Variants in KRABD3 observed in about 807,000 individuals in gnomAD.
The protein encoded by KRABD3 is KRAB domain-containing protein 3.
the KRABD3 span, chr7:149,722,086 G>A: frequency 1.7e-5 from 7 of 421,206 alleles, no homozygotes; most frequent in African/African-American, 1.4e-4. Context: ...GGGTCGTCGG[G>A]CACACTTGCT....
the KRABD3 span, chr7:149,731,887 C>T: frequency 2.4e-5 from 17 of 694,212 alleles, no homozygotes; most frequent in African/African-American, 2.9e-4. Flanking sequence ...GGAAGTCTCA[C>T]CTGTAATGCA....
At chr7:149,725,368 A>T in the KRABD3 span, 7 of 1,606,846 alleles carry the variant, frequency 4.4e-6, no homozygotes, top group African/African-American at 8.0e-5. Flanking sequence ...TCTGAAGGGC[A>T]TTCCCCCAAA....
At chr7:149,720,807 C>CG in the KRABD3 span, 49 of 1,556,958 alleles carry the variant, frequency 3.1e-5, no homozygotes, top group Middle Eastern at 1.7e-4. Context: ...CGCAGGGGTG[C>CG]GGGGGGGTCA....
chr7:149,730,663 G>C, the KRABD3 span: 2 of 1,456,928 alleles, frequency 1.4e-6, no homozygotes, highest in South Asian at 2.5e-5. Flanking sequence ...CGCTTTGCCT[G>C]GCTCTTGCCA....
chr7:149,727,683 C>T, the KRABD3 span, among the ~76,000 whole-genome samples: 1 of 152,236 alleles, frequency 6.6e-6, no homozygotes, highest in East Asian at 1.9e-4. Context: ...TGTGTTCTGC[C>T]TGGGCAGACT....
the KRABD3 span, chr7:149,719,948 A>G: frequency 4.7e-6 from 7 of 1,497,682 alleles, no homozygotes; most frequent in East Asian, 2.5e-5. This position sits in a 1 kb window ranked among gnomAD's most constrained non-coding sequence, Gnocchi z 5.6. Flanking sequence ...CTGCTATGCA[A>G]CTGTGTGCGA....
At chr7:149,725,754 G>C in the KRABD3 span, 1 of 875,620 alleles carries the variant, frequency 1.1e-6, no homozygotes, top group African/African-American at 1.7e-5. Flanking sequence ...TATGGGAGTT[G>C]AATCAGTGCC....
At chr7:149,730,384 G>A in the KRABD3 span, 6 of 1,557,892 alleles carry the variant, frequency 3.9e-6, no homozygotes, top group Admixed American at 1.9e-5. Context: ...TGTGTGCCAG[G>A]GCGCCAGTCA....
the KRABD3 span, among the ~76,000 whole-genome samples, chr7:149,732,842 C>T: frequency 1.2e-4 from 19 of 152,066 alleles, no homozygotes; most frequent in Non-Finnish European, 1.8e-4. This position sits in a 1 kb window ranked among gnomAD's most constrained non-coding sequence, Gnocchi z 4.0. Flanking sequence ...CATGCTGTCT[C>T]GGGGGCTCTG....
the KRABD3 span, among the ~76,000 whole-genome samples, chr7:149,726,783 G>T: frequency 6.6e-6 from 1 of 152,042 alleles, no homozygotes; most frequent in Non-Finnish European, 1.5e-5. Context: ...AGCACCTGTA[G>T]TCTGTAGTCC....
the KRABD3 span, chr7:149,720,911 A>G: frequency 1.9e-6 from 3 of 1,613,244 alleles, no homozygotes; most frequent in Non-Finnish European, 1.7e-6. Flanking sequence ...TCTTGTTTGG[A>G]GAAGTCAAGG....
the KRABD3 span, chr7:149,720,967 A>C: frequency 9.3e-6 from 15 of 1,613,526 alleles, no homozygotes; most frequent in Non-Finnish European, 1.3e-5. Flanking sequence ...GCCAGCCTGG[A>C]TGGAGAGAGA....
chr7:149,721,229 A>G, the KRABD3 span: 2 of 1,070,626 alleles, frequency 1.9e-6, no homozygotes, highest in Admixed American at 2.8e-5. Flanking sequence ...TCCACCCACC[A>G]TGGCCCCATT....
At chr7:149,733,455 A>G in the KRABD3 span, 1 of 1,586,502 alleles carries the variant, frequency 6.3e-7, no homozygotes, top group South Asian at 1.1e-5. Context: ...ATGAGGACCC[A>G]GGTGAATCGG....
chr7:149,721,515 A>G, the KRABD3 span: 5 of 1,611,828 alleles, frequency 3.1e-6, no homozygotes, highest in Admixed American at 1.7e-5. Context: ...GACGGGGTCC[A>G]GGGAAGTCCT....
chr7:149,727,223 G>A, the KRABD3 span, among the ~76,000 whole-genome samples: 2 of 152,160 alleles, frequency 1.3e-5, no homozygotes, highest in Admixed American at 1.3e-4. Context: ...CCTGTGTCCT[G>A]ACTGCCAATG....
At chr7:149,720,770 C>T in the KRABD3 span, 18 of 1,453,778 alleles carry the variant, frequency 1.2e-5, 1 homozygote, top group South Asian at 7.7e-5. Flanking sequence ...TGTGAAAACA[C>T]GCACGTAGGT....
At chr7:149,729,037 C>T in the KRABD3 span, 1 of 642,938 alleles carries the variant, frequency 1.6e-6, no homozygotes, top group Non-Finnish European at 2.5e-6. Context: ...GGTTCAGGCG[C>T]TCCCTGGAAC....
the KRABD3 span, chr7:149,722,123 CCCT>C: frequency 3.7e-4 from 167 of 456,390 alleles, no homozygotes; most frequent in East Asian, 7.2e-3. Flanking sequence ...CCTGTGTGTG[CCCT>C]GGTTTGAGAA....
Sources: gnomAD v4.1 joint callset for allele counts (sites outside exome capture counted in the v4.1 genomes callset) on GRCh38, gnomAD v4.1.1 for gene constraint, Gnocchi (gnomAD v3.1) non-coding constraint, MANE v1.5 for transcripts, NCBI Gene and HGNC (gene_info 2026-07-23, HGNC 2026-07-21) for gene names.